MBD5: variants seen among roughly 807,000 people sequenced by gnomAD.
The protein encoded by MBD5 is methyl-CpG binding domain protein 5.
Under a neutral mutation model 117.3 loss-of-function variants are expected in MBD5, and 13 were observed. The ratio of observed to expected loss-of-function variants is 0.11; its 90% CI spans 0.07 to 0.18. The LOEUF (loss-of-function observed/expected upper bound fraction) is 0.18. Ranked by LOEUF, MBD5 falls within the 10% of genes least tolerant of loss-of-function variation. MBD5 has a pLI of 1.00. For missense variants in MBD5, 1,879 were observed against 2,093.8 expected (o/e 0.90, Z 2.00); for synonymous variants, 727 against 766.4 (o/e 0.95, Z 0.85).
chr2:148,051,328 G>GT (rs35584453), intron 1 of MBD5, among the ~76,000 whole-genome samples: 78,874 of 151,398 alleles, frequency 0.52, 20,767 homozygotes, highest in Middle Eastern at 0.67. Context: ...ATTCTTCCGG[G>GT]TTTTTTATAC....
In MBD5 at chr2:148,162,009, T is replaced by A. The variant is rs562647009; in HGVS notation, c.-924-16691T>A. ...AGTGGTCTGCTCATATGGTTTGAAA[T>A]CCCTTGCCATTTTGTGCACACCTGC... On this transcript the variant is annotated intron_variant, in intron 1 of 13. Transcript: ENST00000642680. Among the ~76,000 whole-genome samples the A allele has an allele frequency of 3.6e-4, 55 of 152,326 alleles. 2 individuals carry two copies. In the South Asian group the frequency reaches 7.7e-3, roughly 21 times the overall value.
intron 1 of MBD5, among the ~76,000 whole-genome samples, chr2:148,065,152 T>C (rs1029225262): frequency 3.3e-5 from 5 of 152,050 alleles, no homozygotes; most frequent in Admixed American, 2.0e-4. Context: ...TCCACAGTCT[T>C]AAATATGTAA....
intron 1 of MBD5, among the ~76,000 whole-genome samples, chr2:148,131,200 C>T (rs975914296): frequency 2.0e-5 from 3 of 152,154 alleles, no homozygotes; most frequent in Non-Finnish European, 2.9e-5. Context: ...TCTTCACAAA[C>T]ATTAGACTAT....
chr2:148,402,306 C>A (rs1238304473), intron 4 of MBD5, among the ~76,000 whole-genome samples: 1 of 152,050 alleles, frequency 6.6e-6, no homozygotes, highest in Non-Finnish European at 1.5e-5. Context: ...TTATTTCCTT[C>A]ATTCCTCCTA....
At chr2:148,478,114 G>A (rs60458553) in intron 8 of MBD5, among the ~76,000 whole-genome samples, 1 of 152,074 alleles carries the variant, frequency 6.6e-6, no homozygotes, top group African/African-American at 2.4e-5. Flanking sequence ...ATCAAAAGAG[G>A]TAGACATTAA....
At chr2:148,204,421 GAATT>G (rs1186591936) in intron 2 of MBD5, among the ~76,000 whole-genome samples, 1 of 152,038 alleles carries the variant, frequency 6.6e-6, no homozygotes, top group African/African-American at 2.4e-5. Context: ...AGAAAAGAAT[GAATT>G]ATTTAAAGAT....
chr2:148,247,697 G>A (rs1700371409), intron 3 of MBD5, among the ~76,000 whole-genome samples: 1 of 151,938 alleles, frequency 6.6e-6, no homozygotes, highest in South Asian at 2.1e-4. Context: ...GGGTGGGATG[G>A]GGGCTACAAC....
intron 3 of MBD5, among the ~76,000 whole-genome samples, chr2:148,301,970 A>C (rs753074393): frequency 6.6e-6 from 1 of 152,046 alleles, no homozygotes; most frequent in Non-Finnish European, 1.5e-5. Context: ...TATTTTAGAG[A>C]GACAGACCAT....
intron 1 of MBD5, among the ~76,000 whole-genome samples, chr2:148,059,097 C>G (rs1694954961): frequency 6.6e-6 from 1 of 152,104 alleles, no homozygotes; most frequent in South Asian, 2.1e-4. Context: ...AGAACAAAGA[C>G]TTCTAGATGA....
At chr2:148,225,496 C>T (rs1206147647) in intron 2 of MBD5, among the ~76,000 whole-genome samples, 1 of 151,894 alleles carries the variant, frequency 6.6e-6, no homozygotes, top group African/African-American at 2.4e-5. Flanking sequence ...GTCTACACAC[C>T]ACAGTTACAG....
chr2:148,142,300 TC>T (rs896525274), intron 1 of MBD5, among the ~76,000 whole-genome samples: 1 of 152,110 alleles, frequency 6.6e-6, no homozygotes, highest in Non-Finnish European at 1.5e-5. Context: ...AGGAATATAA[TC>T]ACAAAATTTC....
chr2:148,354,738 A>C (rs1412408215), intron 4 of MBD5, among the ~76,000 whole-genome samples: 1 of 152,208 alleles, frequency 6.6e-6, no homozygotes, highest in Non-Finnish European at 1.5e-5. Flanking sequence ...ACCAACATGT[A>C]AAAGCATTCC....
In MBD5 at chr2:148,216,132, G is replaced by A. The variant is rs539676929; in HGVS notation, c.-830-17113G>A. 2.0e-5 allele frequency among the ~76,000 whole-genome samples: 3 copies of A among 152,290 alleles called. No individual in the cohort carries two copies. The East Asian group carries it at 5.8e-4, about 29-fold the overall frequency. ...TGCAATTGGAAGGTGGGAAGGGAGG[G>A]AACAAAGATAGCTCTGGACAGTAGC... On this transcript the variant is annotated intron_variant, in intron 2 of 13. Coordinates refer to ENST00000642680, the MANE Select transcript of MBD5 (RefSeq NM_001378120.1).
chr2:148,082,547 A>G (rs1196904683), intron 1 of MBD5, among the ~76,000 whole-genome samples: 1 of 152,178 alleles, frequency 6.6e-6, no homozygotes, highest in Non-Finnish European at 1.5e-5. Context: ...GTTATTCATC[A>G]GATATTTACT....
At chr2:148,503,187 T>A (rs1296638817) in intron 12 of MBD5, among the ~76,000 whole-genome samples, 2 of 152,248 alleles carry the variant, frequency 1.3e-5, no homozygotes, top group Non-Finnish European at 2.9e-5. Context: ...CTTCTCTATA[T>A]GTACATAGCT....
At chr2:148,303,936 C>T (rs910104976) in intron 3 of MBD5, among the ~76,000 whole-genome samples, 6 of 151,950 alleles carry the variant, frequency 3.9e-5, no homozygotes, top group African/African-American at 1.5e-4. Flanking sequence ...CAAAAGAAAC[C>T]TTTAAAGTAA....
intron 4 of MBD5, among the ~76,000 whole-genome samples, chr2:148,418,863 A>C (rs935079743): frequency 2.0e-5 from 3 of 152,168 alleles, no homozygotes; most frequent in Non-Finnish European, 4.4e-5. Flanking sequence ...TTATAGAATT[A>C]GAAAAAAAAA....
At chr2:148,508,538 A>G (rs1022551370) in intron 12 of MBD5, among the ~76,000 whole-genome samples, 2 of 152,146 alleles carry the variant, frequency 1.3e-5, no homozygotes, top group Admixed American at 6.6e-5. Context: ...TTTAATATAA[A>G]AGACTTAAAG....
At chr2:148,040,178 AAATAAAAGTTAAAAAGT>A (rs1420442180) in intron 1 of MBD5, among the ~76,000 whole-genome samples, 2 of 152,136 alleles carry the variant, frequency 1.3e-5, no homozygotes, top group Non-Finnish European at 2.9e-5. Context: ...CCTGAACCTA[AAATAAAAGTTAAAAAGT>A]AATAACTAAA....
Sources: allele counts gnomAD v4.1 joint callset (sites outside exome capture counted in the v4.1 genomes callset), GRCh38; gene constraint gnomAD v4.1.1; transcripts MANE v1.5; gene names NCBI Gene and HGNC (gene_info 2026-07-23, HGNC 2026-07-21).